SPRED2: variants seen among roughly 807,000 people sequenced by gnomAD.
The protein encoded by SPRED2 is sprouty-related, EVH1 domain-containing protein 2.
SPRED2 carries 47 observed loss-of-function variants against 43.0 expected under a neutral mutation model. The observed-to-expected ratio is 1.09, with a 90% CI of 0.87 to 1.40. SPRED2 has a LOEUF of 1.40. SPRED2 is among the 40% of genes most tolerant of loss of function. SPRED2 has a pLI of 0.00. For synonymous variants in SPRED2, 225 were observed against 225.7 expected (o/e 1.00, Z 0.03); for missense variants, 561 against 586.4 (o/e 0.96, Z 0.45).
intron 1 of SPRED2, among the ~76,000 whole-genome samples, chr2:65,355,020 C>T (rs1211120942): frequency 6.6e-6 from 1 of 152,200 alleles, no homozygotes; most frequent in Non-Finnish European, 1.5e-5. Context: ...CCTGGGGGGA[C>T]TGGCAGGACA....
intron 1 of SPRED2, among the ~76,000 whole-genome samples, chr2:65,375,064 G>A (rs573348739): frequency 1.3e-5 from 2 of 152,348 alleles, no homozygotes; most frequent in South Asian, 4.1e-4. Context: ...CGCACACTCA[G>A]CAAGAGCCTG....
intron 1 of SPRED2, among the ~76,000 whole-genome samples, chr2:65,373,479 C>A (rs1023234391): frequency 6.6e-6 from 1 of 152,170 alleles, no homozygotes; most frequent in Non-Finnish European, 1.5e-5. Context: ...AGCTAGAACT[C>A]ACTTTTCCTT....
intron 4 of SPRED2, among the ~76,000 whole-genome samples, chr2:65,327,786 C>T (rs1173661060): frequency 1.4e-4 from 17 of 122,664 alleles, no homozygotes; most frequent in East Asian, 1.1e-3. Flanking sequence ...TGCAATGGTG[C>T]GGTCTCGGCT....
chr2:65,316,666 G>C, intron 5 of SPRED2, 68 bp downstream of exon 5: 1 of 1,540,216 alleles, frequency 6.5e-7, no homozygotes, highest in Non-Finnish European at 8.8e-7. Flanking sequence ...GAATAGGAGG[G>C]GAAAGAGGCC....
intron 5 of SPRED2, among the ~76,000 whole-genome samples, chr2:65,315,727 T>C (rs890961886): frequency 6.6e-5 from 10 of 152,384 alleles, no homozygotes; most frequent in Middle Eastern, 3.4e-3. Context: ...GGCGCAATCT[T>C]GGCTCACTGC....
chr2:65,334,266 C>G (rs2104214934), intron 3 of SPRED2: 1 of 478,394 alleles, frequency 2.1e-6, no homozygotes, highest in Non-Finnish European at 4.3e-6. Context: ...TTCTCTACTT[C>G]TGAGCCAAGA....
chr2:65,424,564 C>T (rs981998403), intron 1 of SPRED2, among the ~76,000 whole-genome samples: 11 of 151,924 alleles, frequency 7.2e-5, no homozygotes, highest in African/African-American at 2.7e-4. Context: ...GAGTTCAAGG[C>T]TCCAGTAAGC....
chr2:65,323,887 T>C (rs1420638950), intron 4 of SPRED2, among the ~76,000 whole-genome samples: 2 of 151,844 alleles, frequency 1.3e-5, no homozygotes, highest in East Asian at 3.9e-4. Flanking sequence ...AAAAAATCCA[T>C]CCCTTCCCAG....
chr2:65,333,755 A>G (rs1673883144), intron 3 of SPRED2, among the ~76,000 whole-genome samples: 1 of 152,164 alleles, frequency 6.6e-6, no homozygotes, highest in Admixed American at 6.5e-5. Flanking sequence ...CTTACTACTG[A>G]TTATAATGTT....
intron 1 of SPRED2, among the ~76,000 whole-genome samples, chr2:65,387,498 A>G (rs1338687652): frequency 6.6e-6 from 1 of 152,244 alleles, no homozygotes; most frequent in Non-Finnish European, 1.5e-5. Flanking sequence ...ATACCAATAA[A>G]TGAAAAATCA....
intron 1 of SPRED2, among the ~76,000 whole-genome samples, chr2:65,356,526 C>CT (rs1330810915): frequency 2.5e-3 from 150 of 59,062 alleles, no homozygotes; most frequent in African/African-American, 3.3e-3. Context: ...GTGCAGTTCC[C>CT]CAGTTCCCTC....
intron 1 of SPRED2, among the ~76,000 whole-genome samples, chr2:65,382,363 TTGC>T (rs1303503327): frequency 2.6e-5 from 4 of 152,214 alleles, no homozygotes; most frequent in Non-Finnish European, 4.4e-5. Flanking sequence ...TTAGAAATTC[TTGC>T]TGCTGCTTAT....
chr2:65,328,848 T>C (rs1296525712), intron 4 of SPRED2, among the ~76,000 whole-genome samples: 1 of 152,206 alleles, frequency 6.6e-6, no homozygotes, highest in African/African-American at 2.4e-5. Flanking sequence ...TCAGCTTTAA[T>C]GTTTGCTGGG....
intron 4 of SPRED2, among the ~76,000 whole-genome samples, chr2:65,329,165 T>G (rs1475375758): frequency 1.3e-5 from 2 of 152,188 alleles, no homozygotes; most frequent in African/African-American, 2.4e-5. Flanking sequence ...ATATCTGTCT[T>G]ACCAGTAAGT....
intron 4 of SPRED2, among the ~76,000 whole-genome samples, chr2:65,327,104 A>G (rs1673645349): frequency 6.6e-6 from 1 of 152,084 alleles, no homozygotes; most frequent in African/African-American, 2.4e-5. Context: ...CTCCTGCCTC[A>G]CTTGGCCTCC....
rs936514564 is a variant in SPRED2, at chr2:65,313,808, T to G, written c.950A>C (p.Asn317Thr). ...GTGGCCCCGGCGGTTCTCCTCGTGGTTGAACATGTCCCTGCAGTACACGCA... is the reference window on the plus strand; with the variant it reads ...GTGGCCCCGGCGGTTCTCCTCGTGGGTGAACATGTCCCTGCAGTACACGCA... ...SRCVYCRDMFNHEENRRGHCQ... is the reference protein window; with the variant it reads ...SRCVYCRDMFTHEENRRGHCQ... The change falls in exon 6 of 6, where the codon AAC (asparagine) becomes ACC (threonine). Residue 317 changes from asparagine (N) to threonine (T), a missense_variant. Coordinates refer to ENST00000356388, the MANE Select transcript of SPRED2 (RefSeq NM_181784.3). 3 of 1,613,892 alleles carry G rather than the reference T, an allele frequency of 1.9e-6. No individual in the cohort carries two copies. In the Admixed American group the frequency reaches 5.0e-5, roughly 27 times the overall value.
At chr2:65,358,510 C>G (rs575092511) in intron 1 of SPRED2, among the ~76,000 whole-genome samples, 8 of 152,336 alleles carry the variant, frequency 5.3e-5, no homozygotes, top group African/African-American at 1.9e-4. Flanking sequence ...CCAATCTTTA[C>G]TACATTCAGA....
At chr2:65,353,134 T>A (rs1674556697) in intron 1 of SPRED2, among the ~76,000 whole-genome samples, 1 of 152,150 alleles carries the variant, frequency 6.6e-6, no homozygotes, top group East Asian at 1.9e-4. Context: ...GGGTCCTGCT[T>A]ATGTGCAGGA....
chr2:65,320,725 CAG>C (rs1327499024), intron 4 of SPRED2, among the ~76,000 whole-genome samples: 2 of 152,156 alleles, frequency 1.3e-5, no homozygotes, highest in Non-Finnish European at 2.9e-5. Flanking sequence ...TGGATACTAA[CAG>C]ATGATTCTTA....
Sources: allele counts gnomAD v4.1 joint callset (sites outside exome capture counted in the v4.1 genomes callset), GRCh38; gene constraint gnomAD v4.1.1; transcripts MANE v1.5; gene names NCBI Gene and HGNC (gene_info 2026-07-23, HGNC 2026-07-21).